AAMDC: variants seen among roughly 807,000 people sequenced by gnomAD.
AAMDC encodes the protein mth938 domain-containing protein.
In AAMDC, 16 loss-of-function variants were observed where a neutral mutation model predicts 15.5. That is an observed-to-expected ratio of 1.03 (90% CI 0.70 to 1.57). AAMDC has a LOEUF of 1.57. Among genes scored for constraint, AAMDC ranks in the 40% most tolerant of loss-of-function variants. The pLI, the probability that AAMDC is intolerant of heterozygous loss-of-function variation, is 0.00. For missense variants in AAMDC, 141 were observed against 144.9 expected, an observed-to-expected ratio of 0.97 and a Z score of 0.14; for synonymous variants, 51 against 51.6, an observed-to-expected ratio of 0.99 and a Z score of 0.05.
At chr11:77,859,996 C>T (rs1950807103) in intron 2 of AAMDC, among the ~76,000 whole-genome samples, 1 of 152,212 alleles carries the variant, frequency 6.6e-6, no homozygotes, top group Admixed American at 6.5e-5. Context: ...ATTAAGACTG[C>T]TATTGCTGCC....
At position 77,842,627 on chromosome 11, in the gene AAMDC, A is replaced by G; in HGVS notation, c.131A>G (p.Glu44Gly). The G allele has an allele frequency of 6.2e-7, 1 of 1,613,766 alleles. No homozygotes were observed. The highest frequency in any genetic ancestry group is 8.5e-7 in the Non-Finnish European group (1 of 1,179,888). ...TGGGATTGGAGAGAAACAGGAACTG[A>G]GGTAAGATATTAGTCTTTGGTTGAT... ...RTWDWRETGT[E>G]HSPGVQPADV... Residue 44 changes from glutamate to glycine, a missense_variant and splice_region_variant, in exon 2 of 4, where the codon GAG becomes GGG. Transcript: ENST00000393427.
chr11:77,844,214 A>G (rs966546293), intron 2 of AAMDC, among the ~76,000 whole-genome samples: 12 of 152,174 alleles, frequency 7.9e-5, no homozygotes, highest in Non-Finnish European at 1.2e-4. Flanking sequence ...AATCTCATTC[A>G]TGAGGGCTCT....
chr11:77,834,520 T>C (rs747030799), intron 1 of AAMDC, among the ~76,000 whole-genome samples: 9 of 149,420 alleles, frequency 6.0e-5, no homozygotes, highest in African/African-American at 7.4e-5. Context: ...GTTCAAGTGA[T>C]TCTCCTGCCT....
At chr11:77,842,674 G>A (rs1949983699) in intron 2 of AAMDC, 46 bp downstream of exon 2, 1 of 1,598,956 alleles carries the variant, frequency 6.3e-7, no homozygotes, top group African/African-American at 1.3e-5. Context: ...CTGACCAAGT[G>A]ATTTCCAACT....
chr11:77,887,658 T>G (rs1358925845), intron 5 of AAMDC, among the ~76,000 whole-genome samples: 2 of 152,134 alleles, frequency 1.3e-5, no homozygotes, highest in Non-Finnish European at 2.9e-5. Flanking sequence ...GACATGATTG[T>G]ATATCTAGAA....
chr11:77,883,075 A>AAATAATAATAATAATAATAAT (rs10687244), intron 5 of AAMDC, among the ~76,000 whole-genome samples: 77 of 148,324 alleles, frequency 5.2e-4, no homozygotes, highest in African/African-American at 1.8e-3. Context: ...CTCCGTCTCA[A>AAATAATAATAATAATAATAAT]AATAATAATA....
Position 77,877,703 on chromosome 11 carries a change from C to G in AAMDC, c.328+654C>G, listed in dbSNP as rs369039209. 3.3e-5 allele frequency among the ~76,000 whole-genome samples: 5 copies of G among 152,058 alleles called. No individual in the cohort carries two copies. In the South Asian group the frequency reaches 1.0e-3, roughly 32 times the overall value. On this transcript the variant is annotated intron_variant, in intron 5 of 5. Coordinates refer to the AAMDC transcript ENST00000304716. ...GTAAAGTACATAGCACAGGCAGTACCAAAGGTTAACCTCTCTGGAGCACTG... is the reference window on the plus strand; with the variant it reads ...GTAAAGTACATAGCACAGGCAGTACGAAAGGTTAACCTCTCTGGAGCACTG...
intron 2 of AAMDC, among the ~76,000 whole-genome samples, chr11:77,842,984 A>AT: frequency 6.6e-6 from 1 of 152,198 alleles, no homozygotes; most frequent in East Asian, 1.9e-4. Flanking sequence ...TGTTATAGAT[A>AT]TGCCTATTCT....
At chr11:77,850,880 G>T (rs1420383124) in intron 2 of AAMDC, 2 of 151,066 alleles carry the variant, frequency 1.3e-5, no homozygotes, top group African/African-American at 4.9e-5. Flanking sequence ...CTCTCCTAAG[G>T]ACATGAATAT....
intron 2 of AAMDC, among the ~76,000 whole-genome samples, chr11:77,854,386 C>G (rs1950526592): frequency 6.6e-6 from 1 of 152,106 alleles, no homozygotes; most frequent in Non-Finnish European, 1.5e-5. Context: ...GCCTATGAGC[C>G]TATAAGATCA....
At chr11:77,880,062 A>G (rs1034274968) in intron 5 of AAMDC, among the ~76,000 whole-genome samples, 2 of 152,214 alleles carry the variant, frequency 1.3e-5, no homozygotes, top group African/African-American at 4.8e-5. Flanking sequence ...TATAAAGAAG[A>G]GGGAGAGAAT....
intron 5 of AAMDC, chr11:77,879,116 C>T (rs1457469965): frequency 6.2e-7 from 1 of 1,614,072 alleles, no homozygotes; most frequent in Non-Finnish European, 8.5e-7. Context: ...CTCACTTCCA[C>T]CTGGCATGCC....
intron 1 of AAMDC, among the ~76,000 whole-genome samples, chr11:77,826,154 G>T (rs1051164550): frequency 7.9e-5 from 12 of 152,140 alleles, no homozygotes; most frequent in Admixed American, 7.9e-4. Flanking sequence ...GCCGAGGTGG[G>T]AGTTCAAGAC....
chr11:77,855,148 A>G (rs1950559879), intron 2 of AAMDC, among the ~76,000 whole-genome samples: 1 of 152,022 alleles, frequency 6.6e-6, no homozygotes, highest in Non-Finnish European at 1.5e-5. Context: ...GTCCCACAAA[A>G]CCATTATTTC....
At chr11:77,887,897 CA>C (rs1315738830) in intron 5 of AAMDC, among the ~76,000 whole-genome samples, 1 of 152,182 alleles carries the variant, frequency 6.6e-6, no homozygotes, top group African/African-American at 2.4e-5. Flanking sequence ...AGGAGAACTA[CA>C]AACCACTGCT....
At chr11:77,834,450 T>G (rs926475291) in intron 1 of AAMDC, among the ~76,000 whole-genome samples, 16 of 148,684 alleles carry the variant, frequency 1.1e-4, no homozygotes, top group East Asian at 1.9e-4. Flanking sequence ...TGTTTTTTTT[T>G]TTTTTTTTTT....
chr11:77,892,004 G>A (rs1418009470), intron 5 of AAMDC, among the ~76,000 whole-genome samples: 2 of 152,174 alleles, frequency 1.3e-5, no homozygotes, highest in African/African-American at 4.8e-5. Context: ...TCATGCCTCA[G>A]TCACATGATC....
downstream of AAMDC, chr11:77,901,491 C>A (rs781717894): frequency 6.2e-7 from 1 of 1,613,094 alleles, no homozygotes; most frequent in Admixed American, 1.7e-5. Flanking sequence ...TGTATAATCA[C>A]CACCTGCTTA....
intron 1 of AAMDC, among the ~76,000 whole-genome samples, chr11:77,827,209 CA>C (rs1305749607): frequency 6.6e-6 from 1 of 152,086 alleles, no homozygotes; most frequent in Non-Finnish European, 1.5e-5. Flanking sequence ...TCAGTTCTAC[CA>C]AAAGTTGAAA....
Sources: gnomAD v4.1 joint callset for allele counts (sites outside exome capture counted in the v4.1 genomes callset) on GRCh38, gnomAD v4.1.1 for gene constraint, MANE v1.5 for transcripts, NCBI Gene and HGNC (gene_info 2026-07-23, HGNC 2026-07-21) for gene names.